The following VTA1 variants were observed in gnomAD, a reference collection of about 807,000 sequenced individuals.
VTA1 encodes the protein vacuolar protein sorting-associated protein VTA1 homolog.
Under a neutral mutation model 36.9 loss-of-function variants are expected in VTA1, and 24 were observed. The ratio of observed to expected loss-of-function variants is 0.65; its 90% CI spans 0.47 to 0.91. The LOEUF (loss-of-function observed/expected upper bound fraction) is 0.91, where lower values mean the gene tolerates loss of function less well. Ranked by LOEUF, VTA1 falls within the 40% of genes least tolerant of loss-of-function variation. The probability of loss-of-function intolerance (pLI) is 0.00; values close to 1 mark genes in which losing one functional copy is unlikely to be tolerated. For missense variants in VTA1, 393 were observed against 377.2 expected, an observed-to-expected ratio of 1.04 and a Z score of -0.35; for synonymous variants, 142 against 130.2, an observed-to-expected ratio of 1.09 and a Z score of -0.62.
intron 4 of VTA1, among the ~76,000 whole-genome samples, chr6:142,184,129 T>A (rs1775297100): frequency 6.6e-6 from 1 of 152,204 alleles, no homozygotes; most frequent in African/African-American, 2.4e-5. Flanking sequence ...TGTAAAATAG[T>A]TTTCTTCGTA....
intron 7 of VTA1, among the ~76,000 whole-genome samples, chr6:142,208,750 A>G (rs1009906297): frequency 6.6e-6 from 1 of 152,162 alleles, no homozygotes; most frequent in African/African-American, 2.4e-5. Flanking sequence ...TCAACAGGCC[A>G]GTAGGTATTG....
chr6:142,213,521 C>T (rs973083940), intron 7 of VTA1, among the ~76,000 whole-genome samples: 1 of 152,252 alleles, frequency 6.6e-6, no homozygotes, highest in Non-Finnish European at 1.5e-5. Flanking sequence ...AGTGGGCATG[C>T]TGCATGGGGG....
chr6:142,151,122 G>C (rs1382848273), intron 1 of VTA1, among the ~76,000 whole-genome samples: 1 of 152,170 alleles, frequency 6.6e-6, no homozygotes, highest in Non-Finnish European at 1.5e-5. Flanking sequence ...GATATTAGCA[G>C]CCATTGTTAG....
chr6:142,206,524 C>T (rs560387322), intron 7 of VTA1, among the ~76,000 whole-genome samples: 1 of 152,268 alleles, frequency 6.6e-6, no homozygotes, highest in African/African-American at 2.4e-5. Flanking sequence ...TTCTTCCCAG[C>T]TTGGTCTATA....
chr6:142,177,015 CCATGGTAAAG>C (rs1473347159), intron 4 of VTA1, among the ~76,000 whole-genome samples: 1 of 152,128 alleles, frequency 6.6e-6, no homozygotes. Context: ...GCCTAGAAAA[CCATGGTAAAG>C]CAGAGATATT....
At position 142,222,967 on chromosome 6, in the gene VTA1, A is replaced by T. The variant is rs1161575802; in HGVS notation, c.*4324A>T. ...AAATTTGCCTAAGGTAACACAGCTA[A>T]TATTTATTTCTAAGCTCAGACTGCC... is the stretch of plus-strand genomic sequence containing the variant. On this transcript the variant is annotated 3_prime_UTR_variant, in exon 8 of 8. Transcript: ENST00000367630. 1 of 152,206 alleles carries T rather than the reference A, an allele frequency of 6.6e-6. No individual in the cohort carries two copies. Among genetic ancestry groups the T allele is most frequent in the African/African-American group, 2.4e-5 (1 of 41,452 alleles). The allele number at this position is 152,206 out of a possible 1,614,324, so 9.4% of individuals were successfully genotyped here.
At chr6:142,195,186 T>C (rs1775520795) in intron 5 of VTA1, among the ~76,000 whole-genome samples, 1 of 152,134 alleles carries the variant, frequency 6.6e-6, no homozygotes, top group Non-Finnish European at 1.5e-5. Flanking sequence ...ATGTTTGATA[T>C]AATTCACTGC....
In VTA1 at chr6:142,223,356, T is replaced by G. The variant is rs1776148473; in HGVS notation, c.*4713T>G. ...AGGTGTTCCACATCATTAGGGAGTCTGGGTTTCCCAGATGTGCCTGTTTTA... is the reference window on the plus strand; with the variant it reads ...AGGTGTTCCACATCATTAGGGAGTCGGGGTTTCCCAGATGTGCCTGTTTTA... On this transcript the variant is annotated 3_prime_UTR_variant, in exon 8 of 8. Coordinates refer to ENST00000367630, the MANE Select transcript of VTA1 (RefSeq NM_016485.5). The G allele has an allele frequency of 6.6e-6, 1 of 152,232 alleles. No homozygotes were observed. Among genetic ancestry groups the G allele is most frequent in the Non-Finnish European group, 1.5e-5 (1 of 68,040 alleles). The allele number at this position is 152,232 out of a possible 1,614,324, so 9.4% of individuals were successfully genotyped here.
intron 1 of VTA1, among the ~76,000 whole-genome samples, chr6:142,152,149 C>T (rs570406186): frequency 2.5e-4 from 38 of 150,762 alleles, no homozygotes; most frequent in African/African-American, 8.7e-4. Context: ...ACAAGTATTT[C>T]AAGTTTTCCC....
chr6:142,194,012 G>A (rs144529427), intron 5 of VTA1, among the ~76,000 whole-genome samples: 28 of 152,102 alleles, frequency 1.8e-4, no homozygotes, highest in South Asian at 4.2e-4. Context: ...TCAGAGAATG[G>A]GAAATCAAAC....
chr6:142,176,693 A>T (rs1276749174), intron 4 of VTA1, among the ~76,000 whole-genome samples: 4 of 152,222 alleles, frequency 2.6e-5, no homozygotes, highest in Non-Finnish European at 5.9e-5. Context: ...AGAAAATTTA[A>T]AAAGGCATAC....
intron 6 of VTA1, among the ~76,000 whole-genome samples, chr6:142,202,687 A>G (rs755893241): frequency 2.0e-5 from 3 of 151,986 alleles, no homozygotes; most frequent in Non-Finnish European, 4.4e-5. Context: ...CAGCATTGAC[A>G]TATATATAGA....
chr6:142,150,369 T>C (rs1778544956), intron 1 of VTA1, among the ~76,000 whole-genome samples: 1 of 152,210 alleles, frequency 6.6e-6, no homozygotes, highest in Non-Finnish European at 1.5e-5. Flanking sequence ...ACTTCCATGT[T>C]TTCCTTCCAA....
chr6:142,221,056 C>CT lies in VTA1; in HGVS notation c.*2415dup, dbSNP rs1275094129. 6.6e-6 allele frequency: 1 copy of CT among 152,168 alleles called. No homozygotes were observed. The highest frequency in any genetic ancestry group is 1.5e-5 in the Non-Finnish European group (1 of 68,044). The allele number at this position is 152,168 out of a possible 1,614,324, so 9.4% of individuals were successfully genotyped here. On this transcript the variant is annotated 3_prime_UTR_variant, in exon 8 of 8. Transcript: ENST00000367630. ...CCAGCCTTCTGAGTTTTAAGAGACACTTAAGGTGGTCCCTAAAGTTCGAGT... is the reference window on the plus strand; with the variant it reads ...CCAGCCTTCTGAGTTTTAAGAGACACTTTAAGGTGGTCCCTAAAGTTCGAGT...
At chr6:142,169,384 A>T (rs781265611) in intron 2 of VTA1, among the ~76,000 whole-genome samples, 166 bp from the exon 3 acceptor site, 4 of 152,192 alleles carry the variant, frequency 2.6e-5, no homozygotes, top group Admixed American at 6.5e-5. Context: ...TTTTAAATGC[A>T]TTGGGCTGAG....
chr6:142,220,470 CTG>C lies in VTA1; in HGVS notation c.*1829_*1830del, dbSNP rs1776088251. 1 of 152,072 alleles carries C rather than the reference CTG, an allele frequency of 6.6e-6. No individual in the cohort carries two copies. Among genetic ancestry groups the C allele is most frequent in the Non-Finnish European group, 1.5e-5 (1 of 68,034 alleles). The allele number at this position is 152,072 out of a possible 1,614,324, so 9.4% of individuals were successfully genotyped here. ...CTGCATGGTGTGACAGAGCCCTTCT[CTG>C]TAAAATGGAAATGACACCACTAGCC... On this transcript the variant is annotated 3_prime_UTR_variant, in exon 8 of 8. Transcript: ENST00000367630.
At chr6:142,188,649 C>T (rs773393874) in intron 4 of VTA1, among the ~76,000 whole-genome samples, 1 of 152,160 alleles carries the variant, frequency 6.6e-6, no homozygotes, top group Admixed American at 6.5e-5. Context: ...TTCTGCATTT[C>T]TAACAAGTTC....
intron 6 of VTA1, among the ~76,000 whole-genome samples, chr6:142,203,494 G>C (rs1330026844): frequency 3.9e-5 from 6 of 151,984 alleles, no homozygotes; most frequent in Admixed American, 3.9e-4. Context: ...TGACAGTTTT[G>C]AAATGTTCTA....
At chr6:142,208,729 C>CAACA (rs1775844561) in intron 7 of VTA1, among the ~76,000 whole-genome samples, 1 of 152,060 alleles carries the variant, frequency 6.6e-6, no homozygotes, top group South Asian at 2.1e-4. Context: ...AATCGTCTGG[C>CAACA]AACAGCCTTC....
Sources: gnomAD v4.1 joint callset for allele counts (sites outside exome capture counted in the v4.1 genomes callset) on GRCh38, gnomAD v4.1.1 for gene constraint, MANE v1.5 for transcripts, NCBI Gene and HGNC (gene_info 2026-07-23, HGNC 2026-07-21) for gene names.